TSPEAR: variants seen among roughly 807,000 people sequenced by gnomAD.
TSPEAR encodes thrombospondin-type laminin G domain and EAR repeat-containing protein.
In TSPEAR, 69 loss-of-function variants were observed where a neutral mutation model predicts 71.6. That is an observed-to-expected ratio of 0.96 (90% CI 0.79 to 1.18). TSPEAR has a LOEUF of 1.18. Ranked by LOEUF, TSPEAR falls within the 50% of genes most tolerant of loss-of-function variation. The pLI, the probability that TSPEAR is intolerant of heterozygous loss-of-function variation, is 0.00. For missense variants in TSPEAR, 971 were observed against 894.9 expected, an observed-to-expected ratio of 1.09 and a Z score of -1.09; for synonymous variants, 402 against 387.2, an observed-to-expected ratio of 1.04 and a Z score of -0.45.
intron 1 of TSPEAR, among the ~76,000 whole-genome samples, chr21:44,709,526 C>T (rs1200547290): frequency 6.6e-6 from 1 of 152,268 alleles, no homozygotes; most frequent in Non-Finnish European, 1.5e-5. Flanking sequence ...GGTTCCCCTC[C>T]TGACAACTCC....
At chr21:44,579,790 G>T in intron 1 of TSPEAR, 1 of 1,608,784 alleles carries the variant, frequency 6.2e-7, no homozygotes, top group Non-Finnish European at 8.5e-7. Flanking sequence ...AGCACGCGGG[G>T]CGGCAGAGGA....
chr21:44,551,124 G>T, intron 2 of TSPEAR: 3 of 1,562,570 alleles, frequency 1.9e-6, no homozygotes, highest in Non-Finnish European at 2.6e-6. Flanking sequence ...ACAGCAGACG[G>T]GCACACAGCA....
Position 44,531,123 on chromosome 21 carries a change from C to T in TSPEAR, c.553G>A (p.Val185Met), listed in dbSNP as rs2052962034. 4 of 1,613,656 alleles carry T rather than the reference C, an allele frequency of 2.5e-6. No homozygotes were observed. Among genetic ancestry groups the T allele is most frequent in the Non-Finnish European group, 3.4e-6 (4 of 1,179,862 alleles). ...ACTGACAGGGTGGCTGGGAAGGGCACATCGGCCATTCTGAAAATATCAAAG... is the reference window on the plus strand; with the variant it reads ...ACTGACAGGGTGGCTGGGAAGGGCATATCGGCCATTCTGAAAATATCAAAG... ...CGLPVDIMADVPFPATLSVKG... is the reference protein window; with the variant it reads ...CGLPVDIMADMPFPATLSVKG... The change falls in exon 4 of 12, where the codon GTG becomes ATG. Residue 185 changes from valine (V) to methionine (M), a missense_variant. Coordinates refer to ENST00000323084, the MANE Select transcript of TSPEAR (RefSeq NM_144991.3).
intron 1 of TSPEAR, among the ~76,000 whole-genome samples, chr21:44,580,957 T>C (rs1262839383): frequency 1.3e-5 from 2 of 152,242 alleles, no homozygotes; most frequent in African/African-American, 4.8e-5. Context: ...GGAGGAATTC[T>C]AGTTTCACCT....
At chr21:44,508,785 G>T (rs1256244090) in intron 10 of TSPEAR, 1 of 1,308,306 alleles carries the variant, frequency 7.6e-7, no homozygotes, top group African/African-American at 1.5e-5. Flanking sequence ...GGGGAAGGAA[G>T]TAATCATGTC....
intron 1 of TSPEAR, among the ~76,000 whole-genome samples, chr21:44,651,035 G>C (rs1200265436): frequency 6.6e-6 from 1 of 152,176 alleles, no homozygotes; most frequent in East Asian, 1.9e-4. Flanking sequence ...CTCAGGCTCT[G>C]CAGTAGAACC....
Position 44,646,325 on chromosome 21 carries a change from G to GC in TSPEAR, c.82+65107dup, listed in dbSNP as rs1246286803. On this transcript the variant is annotated intron_variant, in intron 1 of 11. Coordinates refer to ENST00000323084, the MANE Select transcript of TSPEAR (RefSeq NM_144991.3). ...CCAACAAGGAAGAAAAGCTTGTGGA[G>GC]CCTCCTGTTGGGACAACACATGCCA... 1.6e-4 allele frequency: 207 copies of GC among 1,281,182 alleles called. 3 individuals carry two copies. In the Middle Eastern group the frequency reaches 2.3e-3, roughly 14 times the overall value. 79.4% of individuals were successfully genotyped at this position (1,281,182 alleles called of 1,614,324 possible).
chr21:44,551,895 T>C (rs1287210180), intron 2 of TSPEAR, among the ~76,000 whole-genome samples: 15 of 152,080 alleles, frequency 9.9e-5, no homozygotes, highest in Non-Finnish European at 1.6e-4. Flanking sequence ...TGGGCTGGCG[T>C]GGCTGTGATT....
At chr21:44,676,760 G>A in intron 1 of TSPEAR, 1 of 809,380 alleles carries the variant, frequency 1.2e-6, no homozygotes, top group Non-Finnish European at 2.2e-6. Context: ...TATTCAGCCT[G>A]CATTTTACTT....
At chr21:44,693,039 G>T (rs1987185036) in intron 1 of TSPEAR, among the ~76,000 whole-genome samples, 1 of 152,048 alleles carries the variant, frequency 6.6e-6, no homozygotes, top group Non-Finnish European at 1.5e-5. Context: ...GAACTCAAAG[G>T]TCAGAAATAA....
Position 44,558,071 on chromosome 21 carries a change from T to G in TSPEAR, c.303+9714A>C, listed in dbSNP as rs782596007. ...CCCGTCAGCAGCTGGACTTCTGGCCTGAGGAGAGGCCGCAGCACGCGGAAG... is the reference window on the plus strand; with the variant it reads ...CCCGTCAGCAGCTGGACTTCTGGCCGGAGGAGAGGCCGCAGCACGCGGAAG... On this transcript the variant is annotated intron_variant, in intron 2 of 11. Coordinates refer to ENST00000323084, the MANE Select transcript of TSPEAR (RefSeq NM_144991.3). The G allele has an allele frequency of 5.0e-6, 8 of 1,609,808 alleles. No individual in the cohort carries two copies. The Admixed American group carries it at 1.3e-4, about 27-fold the overall frequency.
At chr21:44,697,911 GC>G in intron 1 of TSPEAR, 1 of 1,612,084 alleles carries the variant, frequency 6.2e-7, no homozygotes, top group Non-Finnish European at 8.5e-7. Flanking sequence ...CTCCTCTGCC[GC>G]CCCACATGTT....
chr21:44,665,783 T>C (rs1182520971), intron 1 of TSPEAR, among the ~76,000 whole-genome samples: 1 of 152,050 alleles, frequency 6.6e-6, no homozygotes, highest in East Asian at 1.9e-4. Flanking sequence ...GTGATGGGAG[T>C]GTGTGCCGCA....
chr21:44,617,993 A>G (rs1019942555), intron 1 of TSPEAR, among the ~76,000 whole-genome samples: 1 of 152,224 alleles, frequency 6.6e-6, no homozygotes, highest in African/African-American at 2.4e-5. Flanking sequence ...GCCTGCTAAG[A>G]CCGATGACAG....
chr21:44,504,805 AGGTAC>A lies in TSPEAR; in HGVS notation c.1826_1830del (p.Arg609LeufsTer83). ...CTGTAAATAATACTGTTCACCGAGA[AGGTAC>A]GCCCATCGAAGGAGTTGGCCACCAC... On this transcript the variant is annotated frameshift_variant, in exon 11 of 12. Coordinates refer to ENST00000323084, the MANE Select transcript of TSPEAR (RefSeq NM_144991.3). LOFTEE classifies it high-confidence loss of function. The A allele has an allele frequency of 6.2e-7, 1 of 1,613,830 alleles. No homozygotes were observed.
chr21:44,599,134 T>TTCTCTCTCTCTCCCTCTCTC (rs1980577905), intron 1 of TSPEAR, among the ~76,000 whole-genome samples: 1 of 92,280 alleles, frequency 1.1e-5, no homozygotes, highest in Non-Finnish European at 2.4e-5. Flanking sequence ...GGCCCCCATT[T>TTCTCTCTCTCTCCCTCTCTC]TCTCTCTCTC....
intron 1 of TSPEAR, among the ~76,000 whole-genome samples, chr21:44,603,876 A>G (rs1555929389): frequency 1.3e-5 from 2 of 152,228 alleles, no homozygotes; most frequent in Non-Finnish European, 2.9e-5. Flanking sequence ...GACAATCTTG[A>G]ATGCAGCAAA....
chr21:44,516,918 C>T (rs995257931), intron 9 of TSPEAR, among the ~76,000 whole-genome samples: 1 of 152,166 alleles, frequency 6.6e-6, no homozygotes, highest in Non-Finnish European at 1.5e-5. Context: ...CATGCGAGAA[C>T]GCTCCCAGCT....
chr21:44,522,099 G>A lies in TSPEAR; in HGVS notation c.1350C>T (p.Asn450=), dbSNP rs781806143. The change falls in exon 9 of 12, where the codon AAC becomes AAT. Residue 450 remains asparagine, a synonymous_variant. Transcript: ENST00000323084. ...TCCACTTGTAGATGACACTGTCGAT[G>A]TTGTGGTTGTCGCCTGGAACCAAGG... ...VANHREGDNH[N]IDSVIYKWNP... The A allele has an allele frequency of 6.2e-7, 1 of 1,614,066 alleles. No individual in the cohort carries two copies. Among genetic ancestry groups the A allele is most frequent in the Admixed American group, 1.7e-5 (1 of 60,028 alleles).
Sources: gnomAD v4.1 joint callset for allele counts (sites outside exome capture counted in the v4.1 genomes callset) on GRCh38, gnomAD v4.1.1 for gene constraint, MANE v1.5 for transcripts, NCBI Gene and HGNC (gene_info 2026-07-23, HGNC 2026-07-21) for gene names.